Variants in AGBL1 observed in about 807,000 individuals in gnomAD.
AGBL1 encodes the protein AGBL carboxypeptidase 1, also known as cytosolic carboxypeptidase 4.
In AGBL1, 130 loss-of-function variants were observed where a neutral mutation model predicts 118.9. The observed-to-expected ratio is 1.09, with a 90% CI of 0.95 to 1.26. The LOEUF is 1.26. AGBL1 is among the 50% of genes most tolerant of loss of function. AGBL1 has a pLI of 0.00. For synonymous variants in AGBL1, 555 were observed against 478.9 expected (o/e 1.16, Z -2.08); for missense variants, 1,584 against 1,298.1 (o/e 1.22, Z -3.38).
chr15:86,773,962 T>C (rs1263285162), intron 22 of AGBL1, among the ~76,000 whole-genome samples: 1 of 152,078 alleles, frequency 6.6e-6, no homozygotes, highest in African/African-American at 2.4e-5. Flanking sequence ...AGCACAGCCA[T>C]ATAAATCTAT....
chr15:86,246,302 A>G (rs2078720468), intron 6 of AGBL1, among the ~76,000 whole-genome samples: 2 of 152,204 alleles, frequency 1.3e-5, no homozygotes, highest in Admixed American at 1.3e-4. Context: ...CCCGTGAAGT[A>G]ACAGAAGTGT....
chr15:86,590,416 C>G (rs2084318209), intron 21 of AGBL1, among the ~76,000 whole-genome samples: 1 of 152,262 alleles, frequency 6.6e-6, no homozygotes, highest in Non-Finnish European at 1.5e-5. Flanking sequence ...CACTCTTGTT[C>G]TTCTCTGTCC....
chr15:86,339,930 C>T lies in AGBL1; in HGVS notation c.2374+44522C>T, dbSNP rs186189185. 7.3e-3 allele frequency among the ~76,000 whole-genome samples: 1,112 copies of T among 152,046 alleles called. 4 individuals are homozygous for T. Among genetic ancestry groups the T allele is most frequent in the Middle Eastern group, 0.041 (12 of 294 alleles). ...GCAGTGAGCCGGGATTGTGCCACTG[C>T]CCTCCAGCCTGGCGACAGGGCGGGA... is the stretch of plus-strand genomic sequence containing the variant. On this transcript the variant is annotated intron_variant, in intron 17 of 22. Coordinates refer to ENST00000614907, the MANE Select transcript of AGBL1 (RefSeq NM_001386094.1).
chr15:86,465,034 G>A (rs536068281), intron 18 of AGBL1, among the ~76,000 whole-genome samples: 7 of 152,136 alleles, frequency 4.6e-5, no homozygotes, highest in East Asian at 1.9e-4. Flanking sequence ...TCACTTTCAG[G>A]TACACCAATC....
chr15:86,878,565 CT>C (rs1255587607), intron 22 of AGBL1, among the ~76,000 whole-genome samples: 3 of 152,042 alleles, frequency 2.0e-5, no homozygotes, highest in African/African-American at 7.2e-5. Flanking sequence ...TTCTCTGCTC[CT>C]TTCTTTGTTT....
chr15:86,501,967 TG>T (rs2082921795), intron 18 of AGBL1, among the ~76,000 whole-genome samples: 1 of 151,566 alleles, frequency 6.6e-6, no homozygotes, highest in Non-Finnish European at 1.5e-5. Flanking sequence ...TGTCAAATTT[TG>T]AAAATAAAAA....
intron 1 of AGBL1, among the ~76,000 whole-genome samples, chr15:86,110,886 C>T (rs1187918020): frequency 6.6e-6 from 1 of 152,186 alleles, no homozygotes; most frequent in African/African-American, 2.4e-5. Flanking sequence ...CCTTTCTCCT[C>T]CAGCAGAGGT....
In AGBL1 at chr15:86,279,800, A is replaced by T. The variant is rs774702412; in HGVS notation, c.2220+17A>T. On this transcript the variant is annotated intron_variant, in intron 16 of 22. Transcript: ENST00000614907. Reference sequence around the variant, plus strand: ...GCCCTCATGGTAACTTCCTCTTTATAGCATCACTCCAGCAGGACTGAAGGG... The same window carrying T: ...GCCCTCATGGTAACTTCCTCTTTATTGCATCACTCCAGCAGGACTGAAGGG... The T allele has an allele frequency of 1.2e-6, 2 of 1,613,040 alleles. No homozygotes were observed. The highest frequency in any genetic ancestry group is 4.5e-5 in the East Asian group (2 of 44,860).
chr15:86,852,803 C>T (rs949143827), intron 22 of AGBL1, among the ~76,000 whole-genome samples: 1 of 152,162 alleles, frequency 6.6e-6, no homozygotes, highest in African/African-American at 2.4e-5. Flanking sequence ...ACCTAGAAGG[C>T]ATCTTGCCTA....
intron 22 of AGBL1, among the ~76,000 whole-genome samples, chr15:86,872,593 A>C (rs2079745420): frequency 6.6e-6 from 1 of 152,040 alleles, no homozygotes; most frequent in Admixed American, 6.6e-5. Context: ...GTCTCTACTA[A>C]AAATAGAAAA....
At chr15:86,873,901 T>C (rs2079766059) in intron 22 of AGBL1, among the ~76,000 whole-genome samples, 1 of 152,196 alleles carries the variant, frequency 6.6e-6, no homozygotes, top group Non-Finnish European at 1.5e-5. Flanking sequence ...GTCTTTATGA[T>C]CTTAACAGTA....
At chr15:86,491,885 T>A (rs2142143301) in intron 18 of AGBL1, among the ~76,000 whole-genome samples, 1 of 151,900 alleles carries the variant, frequency 6.6e-6, no homozygotes, top group East Asian at 1.9e-4. Context: ...TGGAGCATAG[T>A]GAAAGAATGG....
chr15:86,287,608 C>T (rs1425376902), intron 16 of AGBL1, among the ~76,000 whole-genome samples: 2 of 152,120 alleles, frequency 1.3e-5, no homozygotes, highest in East Asian at 3.9e-4. Flanking sequence ...TGTCCTTTCC[C>T]CATTGCATGT....
At chr15:86,667,230 G>GTATCTATCTATCTATCTATCTATC (rs1168447837) in intron 21 of AGBL1, among the ~76,000 whole-genome samples, 1 of 145,088 alleles carries the variant, frequency 6.9e-6, no homozygotes, top group East Asian at 2.2e-4. Flanking sequence ...ATGTATGTAT[G>GTATCTATCTATCTATCTATCTATC]TATGTATGTA....
chr15:86,321,024 A>G (rs2080097001), intron 17 of AGBL1, among the ~76,000 whole-genome samples: 1 of 152,182 alleles, frequency 6.6e-6, no homozygotes, highest in African/African-American at 2.4e-5. Context: ...GGATTTGCAT[A>G]TATATTCAAG....
intron 21 of AGBL1, among the ~76,000 whole-genome samples, chr15:86,649,282 T>C (rs566326284): frequency 6.6e-6 from 1 of 152,286 alleles, no homozygotes; most frequent in South Asian, 2.1e-4. Flanking sequence ...AGATCTCCTT[T>C]GATAGCTTCA....
intron 22 of AGBL1, among the ~76,000 whole-genome samples, chr15:86,846,739 C>T (rs2079324700): frequency 2.0e-5 from 3 of 152,170 alleles, no homozygotes; most frequent in Admixed American, 1.3e-4. Context: ...ACTGTGTTGG[C>T]CAGGCTGGTC....
chr15:86,699,406 G>T (rs1330742767), intron 22 of AGBL1, among the ~76,000 whole-genome samples: 3 of 151,994 alleles, frequency 2.0e-5, no homozygotes, highest in African/African-American at 7.2e-5. Flanking sequence ...AAAATGTTTA[G>T]TTGTTCCAGC....
chr15:86,842,021 AG>A (rs1360452380), intron 22 of AGBL1, among the ~76,000 whole-genome samples: 6 of 152,124 alleles, frequency 3.9e-5, no homozygotes, highest in African/African-American at 1.4e-4. Flanking sequence ...AATGAAGACA[AG>A]GCACATTAAG....
Sources: allele counts gnomAD v4.1 joint callset (sites outside exome capture counted in the v4.1 genomes callset), GRCh38; gene constraint gnomAD v4.1.1; transcripts MANE v1.5; gene names NCBI Gene and HGNC (gene_info 2026-07-23, HGNC 2026-07-21).